LRP1B: variants seen among roughly 807,000 people sequenced by gnomAD.
LRP1B encodes low-density lipoprotein receptor-related protein 1B.
In LRP1B, 217 loss-of-function variants were observed where a neutral mutation model predicts 556.6. The observed-to-expected ratio is 0.39, with a 90% CI of 0.35 to 0.44. LRP1B has a LOEUF of 0.44. Among genes scored for constraint, LRP1B ranks in the 20% least tolerant of loss-of-function variants. The pLI, the probability that LRP1B is intolerant of heterozygous loss-of-function variation, is 1.00. For missense variants in LRP1B, 5,053 were observed against 5,620.8 expected (o/e 0.90, Z 3.23); for synonymous variants, 2,047 against 1,865.8 (o/e 1.10, Z -2.50).
chr2:141,105,917 T>C (rs1700592097), intron 7 of LRP1B, among the ~76,000 whole-genome samples: 1 of 151,846 alleles, frequency 6.6e-6, no homozygotes, highest in South Asian at 2.1e-4. Context: ...AATCATCCTC[T>C]TAAAAAAAAA....
chr2:140,252,059 A>T (rs1342187798), intron 86 of LRP1B, among the ~76,000 whole-genome samples: 1 of 115,020 alleles, frequency 8.7e-6, no homozygotes. Flanking sequence ...GCATGACAAG[A>T]TGCAAAAAAA....
At chr2:141,209,060 C>T (rs1046739613) in intron 6 of LRP1B, among the ~76,000 whole-genome samples, 1 of 152,008 alleles carries the variant, frequency 6.6e-6, no homozygotes, top group African/African-American at 2.4e-5. Flanking sequence ...AAACAAGCAC[C>T]TACACAGAAA....
chr2:141,297,204 TC>T (rs920223431), intron 3 of LRP1B, among the ~76,000 whole-genome samples: 1 of 152,180 alleles, frequency 6.6e-6, no homozygotes, highest in Non-Finnish European at 1.5e-5. Flanking sequence ...CAATTTATTT[TC>T]CTTTGGGTAT....
At chr2:142,022,847 A>T (rs560722528) in intron 1 of LRP1B, among the ~76,000 whole-genome samples, 262 of 151,092 alleles carry the variant, frequency 1.7e-3, no homozygotes, top group African/African-American at 5.7e-3. Context: ...ATTTTTTTAA[A>T]TTTTTTTTTA....
chr2:141,204,197 G>A (rs1363016252), intron 6 of LRP1B, among the ~76,000 whole-genome samples: 3 of 152,116 alleles, frequency 2.0e-5, no homozygotes, highest in African/African-American at 7.2e-5. Context: ...GTCATAAAAT[G>A]GCACAAGTTC....
At chr2:142,114,871 T>C (rs922581652) in intron 1 of LRP1B, among the ~76,000 whole-genome samples, 3 of 152,114 alleles carry the variant, frequency 2.0e-5, no homozygotes, top group Non-Finnish European at 4.4e-5. Context: ...AATAATTTAT[T>C]GTACATTTCA....
intron 27 of LRP1B, among the ~76,000 whole-genome samples, chr2:140,853,316 A>G (rs752131695): frequency 6.6e-5 from 10 of 152,176 alleles, no homozygotes; most frequent in Admixed American, 1.3e-4. Flanking sequence ...TATTACCATT[A>G]GATCATACCT....
At position 141,825,590 on chromosome 2, in the gene LRP1B, T is replaced by A. The variant is rs557496542; in HGVS notation, c.83-15189A>T. ...AGAAGAGCTTCTTTATTAGTTTATG[T>A]GATGGGGGACAGAGGTCTTAGGTAG... On this transcript the variant is annotated intron_variant, in intron 1 of 90. Transcript: ENST00000389484. 7.2e-5 allele frequency among the ~76,000 whole-genome samples: 11 copies of A among 152,294 alleles called. No individual in the cohort carries two copies. In the South Asian group the frequency reaches 2.1e-3, roughly 29 times the overall value.
At position 140,493,331 on chromosome 2, in the gene LRP1B, C is replaced by T. The variant is rs917521190; in HGVS notation, c.9035-638G>A. On this transcript the variant is annotated intron_variant, in intron 56 of 90. Coordinates refer to ENST00000389484, the MANE Select transcript of LRP1B (RefSeq NM_018557.3). ...TTTAGTATCTCATTTACTTTAGAATCTGGGAAAGAGCGTGATAAAGATCTG... is the reference window on the plus strand; with the variant it reads ...TTTAGTATCTCATTTACTTTAGAATTTGGGAAAGAGCGTGATAAAGATCTG... Among the ~76,000 whole-genome samples the T allele has an allele frequency of 2.0e-5, 3 of 152,166 alleles. No homozygotes were observed. The South Asian group carries it at 6.2e-4, about 32-fold the overall frequency.
At chr2:141,452,497 C>T (rs2105025290) in intron 3 of LRP1B, among the ~76,000 whole-genome samples, 2 of 152,292 alleles carry the variant, frequency 1.3e-5, no homozygotes, top group South Asian at 4.1e-4. Flanking sequence ...ATGCTGAATT[C>T]TATACTGTTT....
intron 41 of LRP1B, among the ~76,000 whole-genome samples, chr2:140,624,945 G>A (rs899740904): frequency 6.6e-6 from 1 of 152,148 alleles, no homozygotes; most frequent in Non-Finnish European, 1.5e-5. Flanking sequence ...GTATGTCAAA[G>A]CTCTGAAATG....
At chr2:141,793,234 A>C (rs1695681364) in intron 2 of LRP1B, among the ~76,000 whole-genome samples, 1 of 151,996 alleles carries the variant, frequency 6.6e-6, no homozygotes, top group Non-Finnish European at 1.5e-5. Flanking sequence ...GCTTTTTTAA[A>C]ATAGTGTTAT....
intron 52 of LRP1B, among the ~76,000 whole-genome samples, chr2:140,507,530 A>G (rs1169673601): frequency 6.6e-6 from 1 of 152,106 alleles, no homozygotes; most frequent in Non-Finnish European, 1.5e-5. Context: ...TGGAATATTG[A>G]CCCTTTAGGA....
chr2:141,349,753 T>C (rs116502872), intron 3 of LRP1B, among the ~76,000 whole-genome samples: 1 of 152,096 alleles, frequency 6.6e-6, no homozygotes, highest in African/African-American at 2.4e-5. Flanking sequence ...GGGACAGGAG[T>C]TGGCTGTGGA....
At chr2:141,063,785 T>A (rs2105471237) in intron 7 of LRP1B, among the ~76,000 whole-genome samples, 1 of 152,054 alleles carries the variant, frequency 6.6e-6, no homozygotes, top group Non-Finnish European at 1.5e-5. Context: ...CATGAAACTT[T>A]TTCTCACAAT....
chr2:140,242,400 G>C (rs1295183046), intron 87 of LRP1B, among the ~76,000 whole-genome samples: 1 of 151,010 alleles, frequency 6.6e-6, no homozygotes. Flanking sequence ...GTTTCTCCTT[G>C]TTCTGCAAAT....
intron 5 of LRP1B, among the ~76,000 whole-genome samples, chr2:141,234,908 G>C (rs1226966628): frequency 6.6e-6 from 1 of 151,934 alleles, no homozygotes; most frequent in Non-Finnish European, 1.5e-5. Context: ...TATCATATAA[G>C]TGAAAAAAAT....
intron 7 of LRP1B, among the ~76,000 whole-genome samples, chr2:141,127,204 A>G (rs1235975124): frequency 1.3e-5 from 2 of 152,182 alleles, no homozygotes; most frequent in Admixed American, 1.3e-4. Context: ...ATCTTACACC[A>G]GTTAGAATGG....
At chr2:140,361,927 T>C (rs2105145274) in intron 72 of LRP1B, among the ~76,000 whole-genome samples, 1 of 151,766 alleles carries the variant, frequency 6.6e-6, no homozygotes, top group South Asian at 2.1e-4. Flanking sequence ...TTCTAATCTT[T>C]ACTTGCAAAA....
Sources: allele counts gnomAD v4.1 joint callset (sites outside exome capture counted in the v4.1 genomes callset), GRCh38; gene constraint gnomAD v4.1.1; transcripts MANE v1.5; gene names NCBI Gene and HGNC (gene_info 2026-07-23, HGNC 2026-07-21).